IP6K1: variants seen among roughly 807,000 people sequenced by gnomAD.
The protein encoded by IP6K1 is inositol hexakisphosphate kinase 1.
IP6K1 carries 13 observed loss-of-function variants against 38.3 expected under a neutral mutation model. The observed-to-expected ratio is 0.34, with a 90% CI of 0.22 to 0.54. IP6K1 has a LOEUF of 0.54. Ranked by LOEUF, IP6K1 falls within the 20% of genes least tolerant of loss-of-function variation. The probability of loss-of-function intolerance (pLI) is 0.92; values close to 1 mark genes in which losing one functional copy is unlikely to be tolerated. For missense variants in IP6K1, 397 were observed against 599.8 expected, an observed-to-expected ratio of 0.66 and a Z score of 3.53; for synonymous variants, 212 against 229.9, an observed-to-expected ratio of 0.92 and a Z score of 0.70.
rs2080483676 is a variant in IP6K1, at chr3:49,724,919, C to G, written c.*2203G>C. The G allele has an allele frequency of 6.5e-6, 1 of 152,736 alleles. No individual in the cohort carries two copies. Among genetic ancestry groups the G allele is most frequent in the South Asian group, 2.1e-4 (1 of 4,840 alleles). 9.5% of individuals were successfully genotyped at this position (152,736 alleles called of 1,614,324 possible). A position where few individuals can be genotyped will look rare whatever the true frequency, so the allele number is the denominator to read the frequency against. ...CACCTGAGCACCCCAACCCATGATC[C>G]CATGTTGCACTTTGTTCCCAAGTTG... On this transcript the variant is annotated 3_prime_UTR_variant, in exon 6 of 6. Transcript: ENST00000321599.
rs2080483595 is a variant in IP6K1 at position 49,724,911 on chromosome 3, C to T, written c.*2211G>A. 6.5e-6 allele frequency: 1 copy of T among 152,734 alleles called. No individual in the cohort carries two copies. Among genetic ancestry groups the T allele is most frequent in the African/African-American group, 2.4e-5 (1 of 41,464 alleles). 9.5% of individuals were successfully genotyped at this position (152,734 alleles called of 1,614,324 possible). A position where few individuals can be genotyped will look rare whatever the true frequency, so the allele number is the denominator to read the frequency against. On this transcript the variant is annotated 3_prime_UTR_variant, in exon 6 of 6. Coordinates refer to ENST00000321599, the MANE Select transcript of IP6K1 (RefSeq NM_153273.4). ...AGAGGGCTCACCTGAGCACCCCAAC[C>T]CATGATCCCATGTTGCACTTTGTTC... is the stretch of plus-strand genomic sequence containing the variant.
chr3:49,782,360 G>A (rs1315516144), intron 1 of IP6K1, among the ~76,000 whole-genome samples: 2 of 151,836 alleles, frequency 1.3e-5, no homozygotes, highest in Non-Finnish European at 2.9e-5. Context: ...TAGTAGAGAC[G>A]GTTTTTCACC....
intron 1 of IP6K1, among the ~76,000 whole-genome samples, chr3:49,777,298 A>T (rs1208709467): frequency 6.6e-6 from 1 of 152,176 alleles, no homozygotes; most frequent in Non-Finnish European, 1.5e-5. Context: ...GCAGTGGTTC[A>T]TGCCTGTAAT....
At chr3:49,769,747 T>C (rs937596141) in intron 1 of IP6K1, among the ~76,000 whole-genome samples, 2 of 152,322 alleles carry the variant, frequency 1.3e-5, no homozygotes, top group Middle Eastern at 3.4e-3. Flanking sequence ...TCTTAGATCA[T>C]TTCTGTAGGA....
At position 49,759,488 on chromosome 3, in the gene IP6K1, T is replaced by A. The variant is rs935380855; in HGVS notation, c.-128-11320A>T. 3.3e-5 allele frequency among the ~76,000 whole-genome samples: 5 copies of A among 152,170 alleles called. No individual in the cohort carries two copies. In the East Asian group the frequency reaches 9.6e-4, roughly 29 times the overall value. On this transcript the variant is annotated intron_variant, in intron 1 of 5. Coordinates refer to ENST00000321599, the MANE Select transcript of IP6K1 (RefSeq NM_153273.4). ...ATCCTGTGTTCCTATTGGACCTCCA[T>A]CTCAAGGGCCAAACAGCATATTTCT...
intron 1 of IP6K1, among the ~76,000 whole-genome samples, chr3:49,774,874 ATTTC>A (rs2080992920): frequency 6.6e-6 from 1 of 151,578 alleles, no homozygotes; most frequent in South Asian, 2.1e-4. Flanking sequence ...TCTGGTCATA[ATTTC>A]TTTTTTTTTT....
Position 49,759,192 on chromosome 3 carries a change from C to G in IP6K1, c.-128-11024G>C, listed in dbSNP as rs181401053. On this transcript the variant is annotated intron_variant, in intron 1 of 5. Coordinates refer to ENST00000321599, the MANE Select transcript of IP6K1 (RefSeq NM_153273.4). ...GAGAGGCACTAAAAATCAGATATGGCTAAAATCTGGAGGACTCTTCCTTTG... is the reference window on the plus strand; with the variant it reads ...GAGAGGCACTAAAAATCAGATATGGGTAAAATCTGGAGGACTCTTCCTTTG... 2.7e-3 allele frequency among the ~76,000 whole-genome samples: 408 copies of G among 152,254 alleles called. 2 individuals are homozygous for G. The highest frequency in any genetic ancestry group is 4.6e-3 in the Non-Finnish European group (311 of 68,012).
chr3:49,769,961 C>A (rs1281608152), intron 1 of IP6K1, among the ~76,000 whole-genome samples: 1 of 152,040 alleles, frequency 6.6e-6, no homozygotes, highest in Non-Finnish European at 1.5e-5. Flanking sequence ...GGCCTATAAT[C>A]CCAACACTTT....
At chr3:49,746,974 T>C (rs1412201435) in intron 2 of IP6K1, among the ~76,000 whole-genome samples, 1 of 152,194 alleles carries the variant, frequency 6.6e-6, no homozygotes, top group Non-Finnish European at 1.5e-5. Flanking sequence ...AAATGGACAG[T>C]GGCTATACAA....
At position 49,747,988 on chromosome 3, in the gene IP6K1, C is replaced by T. The variant is rs891799918; in HGVS notation, c.53G>A (p.Arg18Gln). 8 of 1,613,884 alleles carry T rather than the reference C, an allele frequency of 5.0e-6. No individual in the cohort carries two copies. Among genetic ancestry groups the T allele is most frequent in the Admixed American group, 3.3e-5 (2 of 59,998 alleles). The stretch of plus-strand genomic sequence containing the variant: ...CAGGAGGACTCCCCGGTCTCCAGCC[C>T]GACTTGCATTCTTGCCATACTGCCC... ...EVGQYGKNASRAGDRGVLLEP... is the reference protein window; with the variant it reads ...EVGQYGKNASQAGDRGVLLEP... Residue 18 changes from arginine (R) to glutamine (Q), a missense_variant, in exon 2 of 6, where the codon CGG (arginine) becomes CAG (glutamine). Arg to Gln is a conservative substitution (Grantham distance 43). Coordinates refer to ENST00000321599, the MANE Select transcript of IP6K1 (RefSeq NM_153273.4).
intron 1 of IP6K1, among the ~76,000 whole-genome samples, chr3:49,761,675 C>T (rs2080869560): frequency 6.6e-6 from 1 of 150,798 alleles, no homozygotes. Flanking sequence ...GAAAAAAGGC[C>T]AGGTGTGATG....
intron 1 of IP6K1, among the ~76,000 whole-genome samples, chr3:49,770,987 T>C (rs1231233685): frequency 6.6e-6 from 1 of 151,618 alleles, no homozygotes; most frequent in African/African-American, 2.4e-5. Flanking sequence ...GGCATGGTAG[T>C]ATGCACATGT....
Position 49,727,959 on chromosome 3 carries a change from C to A in IP6K1, c.792+144G>T. On this transcript the variant is annotated intron_variant, in intron 5 of 5. Transcript: ENST00000321599. The surrounding 1 kb of genome is among the most constrained non-coding windows in gnomAD (Gnocchi z 5.9). ...CGAGGCAGCAGACTCTCACAGTGGT[C>A]CTGCACCTGAGGCCCATATCAAAGT... 2 of 784,986 alleles carry A rather than the reference C, an allele frequency of 2.5e-6. No individual in the cohort carries two copies. The highest frequency in any genetic ancestry group is 4.2e-6 in the Non-Finnish European group (2 of 478,746). The allele number at this position is 784,986 out of a possible 1,614,324, so 48.6% of individuals were successfully genotyped here. A position where few individuals can be genotyped will look rare whatever the true frequency, so the allele number is the denominator to read the frequency against.
At chr3:49,775,570 A>G in intron 1 of IP6K1, 1 of 1,047,196 alleles carries the variant, frequency 9.5e-7, no homozygotes, top group Non-Finnish European at 1.4e-6. Flanking sequence ...TCTAAGACAG[A>G]CCTCTTCTAC....
intron 1 of IP6K1, among the ~76,000 whole-genome samples, chr3:49,769,474 T>C (rs2080939439): frequency 6.6e-6 from 1 of 152,242 alleles, no homozygotes. Flanking sequence ...CAATTGTTTT[T>C]GGGATTTTTG....
chr3:49,731,887 C>CAAAA lies in IP6K1; in HGVS notation c.616+900_616+903dup, dbSNP rs71080545. ...TGGGTAACAGAGTGAGACTCTGTCTCAAAAAAAAAAAAAAAAAAGGAATTC... is the reference window on the plus strand; with the variant it reads ...TGGGTAACAGAGTGAGACTCTGTCTCAAAAAAAAAAAAAAAAAAAAAAGGAATTC... On this transcript the variant is annotated intron_variant, in intron 4 of 5. Coordinates refer to ENST00000321599, the MANE Select transcript of IP6K1 (RefSeq NM_153273.4). Among the ~76,000 whole-genome samples the CAAAA allele has an allele frequency of 7.7e-3, 502 of 65,300 alleles. 26 individuals are homozygous for CAAAA. The highest frequency in any genetic ancestry group is 0.024 in the African/African-American group (469 of 19,720). 42.8% of individuals were successfully genotyped at this position (65,300 alleles called of 152,430 possible).
At position 49,748,257 on chromosome 3, in the gene IP6K1, G is replaced by C. The variant is rs1357927862; in HGVS notation, c.-128-89C>G. The stretch of plus-strand genomic sequence containing the variant: ...TCCATGAGTGAGAGCAGGGACTCTT[G>C]TTTTGTTCCCTACTATGTGTATCCC... On this transcript the variant is annotated intron_variant, in intron 1 of 5. Coordinates refer to ENST00000321599, the MANE Select transcript of IP6K1 (RefSeq NM_153273.4). 2.2e-5 allele frequency: 13 copies of C among 583,138 alleles called. No individual in the cohort carries two copies. In the East Asian group the frequency reaches 3.8e-4, roughly 17 times the overall value. The allele number at this position is 583,138 out of a possible 1,614,324, so 36.1% of individuals were successfully genotyped here.
intron 1 of IP6K1, among the ~76,000 whole-genome samples, chr3:49,761,607 C>G (rs1344382845): frequency 6.1e-5 from 8 of 131,402 alleles, no homozygotes; most frequent in African/African-American, 2.1e-4. Context: ...GCGCGAGACT[C>G]CGTCTCAAAA....
chr3:49,763,557 C>G (rs552771484), intron 1 of IP6K1, among the ~76,000 whole-genome samples: 1 of 151,948 alleles, frequency 6.6e-6, no homozygotes, highest in South Asian at 2.1e-4. Context: ...AGAAAGAATC[C>G]CTCATGACAA....
Sources: allele counts gnomAD v4.1 joint callset (sites outside exome capture counted in the v4.1 genomes callset), GRCh38; gene constraint gnomAD v4.1.1; non-coding constraint Gnocchi (gnomAD v3.1); transcripts MANE v1.5; gene names NCBI Gene and HGNC (gene_info 2026-07-23, HGNC 2026-07-21).